Variants in KCNK9 observed in about 807,000 individuals in gnomAD.
KCNK9 encodes the protein potassium two pore domain channel subfamily K member 9, also known as potassium channel subfamily K member 9.
KCNK9 carries 1 observed loss-of-function variant against 10.8 expected under a neutral mutation model. That is an observed-to-expected ratio of 0.09 (90% CI 0.03 to 0.44). KCNK9 has a LOEUF of 0.44. Among genes scored for constraint, KCNK9 ranks in the 20% least tolerant of loss-of-function variants. The pLI is 0.97. For missense variants in KCNK9, 303 were observed against 515.0 expected, an observed-to-expected ratio of 0.59 and a Z score of 3.98; for synonymous variants, 231 against 222.7, an observed-to-expected ratio of 1.04 and a Z score of -0.33.
intron 2 of KCNK9, chr8:139,602,152 A>G (rs530442878): frequency 2.0e-5 from 3 of 152,256 alleles, no homozygotes; most frequent in Non-Finnish European, 4.4e-5. Context: ...CCTGTGATTC[A>G]TTGGCCAGAA....
intron 1 of KCNK9, among the ~76,000 whole-genome samples, chr8:139,700,520 GCACACACACACACACACACGCGCGCA>G (rs1172738970): frequency 1.3e-4 from 19 of 141,406 alleles, no homozygotes; most frequent in African/African-American, 2.9e-4. Context: ...GCGCGCGCGC[GCACACACACACACACACACGCGCGCA>G]CACACACACA....
Position 139,618,104 on chromosome 8 carries a change from A to G in KCNK9, c.*154T>C, listed in dbSNP as rs768176541. 1,028 of 1,090,012 alleles carry G rather than the reference A, an allele frequency of 9.4e-4. 1 individual carries two copies. The highest frequency in any genetic ancestry group is 1.2e-3 in the Non-Finnish European group (950 of 763,252). 67.5% of individuals were successfully genotyped at this position (1,090,012 alleles called of 1,614,324 possible). ...CTCTGTCTGGCTGGAAAGGTGGGGG[A>G]AAATGAGACCAAGAGACCAAGAAAG... On this transcript the variant is annotated 3_prime_UTR_variant, in exon 2 of 2. Coordinates refer to ENST00000520439, the MANE Select transcript of KCNK9 (RefSeq NM_001282534.2). The surrounding 1 kb of genome is among the most constrained non-coding windows in gnomAD (Gnocchi z 7.9).
At chr8:139,628,662 C>T (rs553882853) in intron 1 of KCNK9, among the ~76,000 whole-genome samples, 60 of 152,354 alleles carry the variant, frequency 3.9e-4, no homozygotes, top group Non-Finnish European at 7.6e-4. Context: ...AAGCAATTTC[C>T]TCATATGATT....
At chr8:139,641,964 T>G (rs1037297100) in intron 1 of KCNK9, among the ~76,000 whole-genome samples, 4 of 152,202 alleles carry the variant, frequency 2.6e-5, no homozygotes, top group African/African-American at 9.7e-5. Flanking sequence ...GCCATACAGA[T>G]GTCCACCTCA....
At chr8:139,609,118 C>CCCGCT (rs1563710983), downstream of KCNK9, among the ~76,000 whole-genome samples, 58 of 150,168 alleles carry the variant, frequency 3.9e-4, no homozygotes, top group African/African-American at 1.4e-3. Context: ...CCCACCCCGC[C>CCCGCT]CCGCTCCGGG....
At chr8:139,664,312 A>C (rs1816242613) in intron 1 of KCNK9, among the ~76,000 whole-genome samples, 1 of 151,566 alleles carries the variant, frequency 6.6e-6, no homozygotes, top group African/African-American at 2.4e-5. Flanking sequence ...TGCTGGTTCC[A>C]CTCTTCAGCA....
At chr8:139,615,078 A>C (rs1021349075), downstream of KCNK9, among the ~76,000 whole-genome samples, 6 of 152,200 alleles carry the variant, frequency 3.9e-5, no homozygotes, top group African/African-American at 1.4e-4. Flanking sequence ...TGAAAGAAAG[A>C]AATTACCAGG....
At chr8:139,640,448 C>T (rs1247575484) in intron 1 of KCNK9, among the ~76,000 whole-genome samples, 1 of 152,250 alleles carries the variant, frequency 6.6e-6, no homozygotes, top group Non-Finnish European at 1.5e-5. Flanking sequence ...CTACTTTCTT[C>T]AAGAGAACAG....
chr8:139,654,375 C>T (rs1254927952), intron 1 of KCNK9, among the ~76,000 whole-genome samples: 1 of 152,216 alleles, frequency 6.6e-6, no homozygotes, highest in Non-Finnish European at 1.5e-5. Flanking sequence ...GGAGCGCGGC[C>T]AGACCCTGCC....
intron 1 of KCNK9, among the ~76,000 whole-genome samples, chr8:139,628,450 A>C (rs935953123): frequency 5.3e-5 from 8 of 152,184 alleles, no homozygotes; most frequent in Non-Finnish European, 8.8e-5. Flanking sequence ...CTTGAGCCCC[A>C]GGCCCTGGCC....
intron 1 of KCNK9, among the ~76,000 whole-genome samples, chr8:139,665,151 T>C (rs1427957186): frequency 1.3e-5 from 2 of 152,190 alleles, no homozygotes; most frequent in East Asian, 3.8e-4. Flanking sequence ...AGGTTAGAAG[T>C]TGCAATGGGC....
At chr8:139,650,778 G>A (rs1563735498) in intron 1 of KCNK9, among the ~76,000 whole-genome samples, 1 of 152,176 alleles carries the variant, frequency 6.6e-6, no homozygotes, top group South Asian at 2.1e-4. Flanking sequence ...TGCCCAGTGG[G>A]GAAGGCAGCA....
rs1239542006 is a variant in KCNK9 at position 139,702,494 on chromosome 8, C to A, written c.283+216G>T. Among the ~76,000 whole-genome samples, 1 of 152,208 alleles carries A rather than the reference C, an allele frequency of 6.6e-6. No homozygotes were observed. The highest frequency in any genetic ancestry group is 1.5e-5 in the Non-Finnish European group (1 of 68,030). On this transcript the variant is annotated intron_variant, in intron 1 of 1. Coordinates refer to ENST00000520439, the MANE Select transcript of KCNK9 (RefSeq NM_001282534.2). The surrounding 1 kb of genome is among the most constrained non-coding windows in gnomAD (Gnocchi z 7.5). ...CTCGCACGCCCGGCCCAGACACCAG[C>A]GCGGTGGAGAGCACCGGGTGGGGTC...
intron 1 of KCNK9, among the ~76,000 whole-genome samples, chr8:139,699,252 G>T (rs988620327): frequency 6.6e-6 from 1 of 152,174 alleles, no homozygotes; most frequent in South Asian, 2.1e-4. Context: ...TTGGATCGTG[G>T]GGAGAGGCTA....
chr8:139,627,535 C>T (rs773528424), intron 1 of KCNK9, among the ~76,000 whole-genome samples: 2 of 152,132 alleles, frequency 1.3e-5, no homozygotes, highest in Admixed American at 6.5e-5. Context: ...GATAACATCC[C>T]GACCCCGATC....
chr8:139,613,483 C>T (rs1216112272), downstream of KCNK9, among the ~76,000 whole-genome samples: 3 of 152,276 alleles, frequency 2.0e-5, no homozygotes, highest in African/African-American at 7.2e-5. Context: ...CTGCTATTGC[C>T]GGTCCCTCTT....
Position 139,702,614 on chromosome 8 carries a change from C to G in KCNK9, c.283+96G>C. 5 of 1,308,166 alleles carry G rather than the reference C, an allele frequency of 3.8e-6. No individual in the cohort carries two copies. The highest frequency in any genetic ancestry group is 5.2e-6 in the Non-Finnish European group (5 of 964,738). The allele number at this position is 1,308,166 out of a possible 1,614,324, so 81.0% of individuals were successfully genotyped here. A position where few individuals can be genotyped will look rare whatever the true frequency, so the allele number is the denominator to read the frequency against. On this transcript the variant is annotated intron_variant, in intron 1 of 1. Coordinates refer to ENST00000520439, the MANE Select transcript of KCNK9 (RefSeq NM_001282534.2). The surrounding 1 kb of genome is among the most constrained non-coding windows in gnomAD (Gnocchi z 7.5). ...GCCCCCAAGGGAGGCTGCGTTTAAC[C>G]CTCGACGCCCTGCACCCAGCCCGGC...
intron 1 of KCNK9, among the ~76,000 whole-genome samples, chr8:139,662,831 G>T (rs558803360): frequency 2.9e-5 from 4 of 135,826 alleles, no homozygotes; most frequent in African/African-American, 1.1e-4. Flanking sequence ...GGGGAGGGGG[G>T]TCAGGGAAAG....
intron 1 of KCNK9, among the ~76,000 whole-genome samples, chr8:139,653,736 C>A (rs1401910764): frequency 6.6e-6 from 1 of 152,320 alleles, no homozygotes; most frequent in East Asian, 1.9e-4. Context: ...ACCCATAAAT[C>A]GCTCTACAAA....
Sources: gnomAD v4.1 joint callset for allele counts (sites outside exome capture counted in the v4.1 genomes callset) on GRCh38, gnomAD v4.1.1 for gene constraint, Gnocchi (gnomAD v3.1) non-coding constraint, MANE v1.5 for transcripts, NCBI Gene and HGNC (gene_info 2026-07-23, HGNC 2026-07-21) for gene names.